BICD1: variants seen among roughly 807,000 people sequenced by gnomAD.
BICD1 encodes protein bicaudal D homolog 1.
In BICD1, 35 loss-of-function variants were observed where a neutral mutation model predicts 92.5. The observed-to-expected ratio is 0.38, with a 90% CI of 0.29 to 0.50. The LOEUF is 0.50. Among genes scored for constraint, BICD1 ranks in the 20% least tolerant of loss-of-function variants. The probability of loss-of-function intolerance (pLI) is 0.93; values close to 1 mark genes in which losing one functional copy is unlikely to be tolerated. For missense variants in BICD1, 950 were observed against 1,189.8 expected (o/e 0.80, Z 2.97); for synonymous variants, 429 against 465.1 (o/e 0.92, Z 1.00).
intron 2 of BICD1, among the ~76,000 whole-genome samples, chr12:32,225,621 G>GTTTTTGTTTTTTTTTTTTTTTTTTTTT (rs1411722126): frequency 3.2e-5 from 3 of 92,776 alleles, no homozygotes; most frequent in Non-Finnish European, 4.3e-5. Flanking sequence ...CTTTTTTTCT[G>GTTTTTGTTTTTTTTTTTTTTTTTTTTT]TTTTTTTTTT....
At chr12:32,276,236 G>A (rs1947273842) in intron 2 of BICD1, among the ~76,000 whole-genome samples, 1 of 152,062 alleles carries the variant, frequency 6.6e-6, no homozygotes, top group Non-Finnish European at 1.5e-5. Context: ...CACCCTTCCG[G>A]AGGAAATCTC....
At chr12:32,116,668 C>G (rs959560278) in intron 1 of BICD1, among the ~76,000 whole-genome samples, 3 of 139,386 alleles carry the variant, frequency 2.2e-5, no homozygotes, top group African/African-American at 7.9e-5. Context: ...CACAGGTGCA[C>G]ACCACTATGC....
intron 8 of BICD1, chr12:32,340,731 CT>C (rs1335034669): frequency 5.2e-6 from 1 of 191,038 alleles, no homozygotes; most frequent in Non-Finnish European, 9.6e-6. Context: ...GCTATCTAGT[CT>C]TGTTTTTATT....
At chr12:32,139,736 G>A (rs574275592) in intron 1 of BICD1, among the ~76,000 whole-genome samples, 1 of 152,158 alleles carries the variant, frequency 6.6e-6, no homozygotes, top group Admixed American at 6.5e-5. Context: ...GCTGATTTTT[G>A]TATTTTTAGT....
chr12:32,107,102 C>A lies in BICD1; in HGVS notation c.-230C>A. 2 of 534,274 alleles carry A rather than the reference C, an allele frequency of 3.7e-6. No individual in the cohort carries two copies. The highest frequency in any genetic ancestry group is 3.2e-5 in the East Asian group (1 of 31,208). 33.1% of individuals were successfully genotyped at this position (534,274 alleles called of 1,614,324 possible). ...ACACATGCGGCGGCCTTTGCCGCCT[C>A]GCCCCTGACCCTCTGCCCTGTTCTC... On this transcript the variant is annotated 5_prime_UTR_variant, in exon 1 of 10. Coordinates refer to ENST00000652176, the MANE Select transcript of BICD1 (RefSeq NM_001714.4).
In BICD1 at chr12:32,337,218, GC is replaced by G. The variant is rs1409636038; in HGVS notation, c.2253-279del. 6.6e-6 allele frequency among the ~76,000 whole-genome samples: 1 copy of G among 152,160 alleles called. No individual in the cohort carries two copies. The highest frequency in any genetic ancestry group is 2.4e-5 in the African/African-American group (1 of 41,436). ...GCCAAGATCACGCCACTGCACTCCA[GC>G]CTGGGCGATACAGCGAGACTCAGTC... On this transcript the variant is annotated intron_variant, in intron 6 of 9. Coordinates refer to ENST00000652176, the MANE Select transcript of BICD1 (RefSeq NM_001714.4). This position sits in a 1 kb window ranked among gnomAD's most constrained non-coding sequence, Gnocchi z 4.7.
At chr12:32,161,171 CT>C (rs1033083539) in intron 1 of BICD1, among the ~76,000 whole-genome samples, 1 of 152,172 alleles carries the variant, frequency 6.6e-6, no homozygotes, top group African/African-American at 2.4e-5. Flanking sequence ...GGTAAAAGAT[CT>C]TAGCCTGAAA....
intron 2 of BICD1, among the ~76,000 whole-genome samples, chr12:32,236,217 A>G (rs11051864): frequency 0.049 from 7,288 of 149,250 alleles, 289 homozygotes; most frequent in East Asian, 0.21. Context: ...ACATAGTGAA[A>G]CCCCATCTCT....
rs191611132 is a variant in BICD1 at position 32,175,079 on chromosome 12, C to G, written c.214-41168C>G. The stretch of plus-strand genomic sequence containing the variant: ...GATTTTTTTCCTCTTTATTTTCTAG[C>G]ATTTATTATTTGCAAGCATTTATTA... On this transcript the variant is annotated intron_variant, in intron 1 of 9. Transcript: ENST00000652176. Among the ~76,000 whole-genome samples, 72 of 152,174 alleles carry G rather than the reference C, an allele frequency of 4.7e-4. No individual in the cohort carries two copies. The East Asian group carries it at 0.011, about 24-fold the overall frequency.
chr12:32,116,886 AT>A (rs201316554), intron 1 of BICD1, among the ~76,000 whole-genome samples: 72 of 148,760 alleles, frequency 4.8e-4, no homozygotes, highest in African/African-American at 1.4e-3. Flanking sequence ...GGCCTTCTAC[AT>A]TTTTTTTTTA....
chr12:32,115,024 G>T lies in BICD1; in HGVS notation c.213+7480G>T, dbSNP rs568980767. Among the ~76,000 whole-genome samples the T allele has an allele frequency of 2.0e-5, 3 of 152,004 alleles. No individual in the cohort carries two copies. In the South Asian group the frequency reaches 6.3e-4, roughly 32 times the overall value. ...GTGGGTTTTTTTCCTCTTTTCTTTT[G>T]GTGGGGGGTGTGGGCGGCGGGGGAG... On this transcript the variant is annotated intron_variant, in intron 1 of 9. Transcript: ENST00000652176.
At position 32,346,579 on chromosome 12, in the gene BICD1, T is replaced by C. The variant is rs1394724298; in HGVS notation, c.2764+7600T>C. The stretch of plus-strand genomic sequence containing the variant: ...ATATATATATATATATATATATATA[T>C]ATACGTGTATATATATATATATATA... On this transcript the variant is annotated intron_variant, in intron 8 of 9. Coordinates refer to ENST00000652176, the MANE Select transcript of BICD1 (RefSeq NM_001714.4). Among the ~76,000 whole-genome samples the C allele has an allele frequency of 5.3e-4, 12 of 22,550 alleles. 2 individuals are homozygous for C. Among genetic ancestry groups the C allele is most frequent in the African/African-American group, 2.7e-3 (9 of 3,358 alleles). 14.8% of individuals were successfully genotyped at this position (22,550 alleles called of 152,430 possible). A position where few individuals can be genotyped will look rare whatever the true frequency, so the allele number is the denominator to read the frequency against.
intron 1 of BICD1, among the ~76,000 whole-genome samples, chr12:32,151,038 C>A (rs1943272281): frequency 6.6e-6 from 1 of 152,094 alleles, no homozygotes; most frequent in Non-Finnish European, 1.5e-5. Flanking sequence ...TGGCTTATAT[C>A]TTCTGTGTAG....
intron 8 of BICD1, among the ~76,000 whole-genome samples, chr12:32,343,307 A>G (rs545129158): frequency 8.6e-5 from 13 of 151,980 alleles, no homozygotes; most frequent in African/African-American, 2.4e-5. Context: ...ACCTAGGCCT[A>G]TATCCTTCTC....
At chr12:32,153,114 T>C (rs1943337600) in intron 1 of BICD1, among the ~76,000 whole-genome samples, 1 of 152,226 alleles carries the variant, frequency 6.6e-6, no homozygotes, top group Admixed American at 6.5e-5. Context: ...TTGCCATCTT[T>C]ATGTCCATAA....
intron 9 of BICD1, among the ~76,000 whole-genome samples, chr12:32,376,882 G>A (rs996920422): frequency 1.4e-5 from 2 of 143,666 alleles, no homozygotes; most frequent in African/African-American, 2.5e-5. Context: ...AAAAAGGGGG[G>A]GGGGGGTGAA....
At chr12:32,214,524 C>T (rs958888989) in intron 1 of BICD1, among the ~76,000 whole-genome samples, 1 of 152,156 alleles carries the variant, frequency 6.6e-6, no homozygotes, top group Non-Finnish European at 1.5e-5. Flanking sequence ...TTAGATATCT[C>T]TTTCCTTACT....
chr12:32,364,138 A>G (rs1939439632), intron 8 of BICD1, among the ~76,000 whole-genome samples: 1 of 152,156 alleles, frequency 6.6e-6, no homozygotes, highest in Admixed American at 6.6e-5. Context: ...CTGCTGCCTA[A>G]CACAGTTTCT....
intron 2 of BICD1, among the ~76,000 whole-genome samples, chr12:32,243,393 C>T (rs1191389451): frequency 6.6e-6 from 1 of 150,776 alleles, no homozygotes; most frequent in East Asian, 1.9e-4. Flanking sequence ...GGATTACAGG[C>T]ATGAGCAACT....
Sources: allele counts gnomAD v4.1 joint callset (sites outside exome capture counted in the v4.1 genomes callset), GRCh38; gene constraint gnomAD v4.1.1; non-coding constraint Gnocchi (gnomAD v3.1); transcripts MANE v1.5; gene names NCBI Gene and HGNC (gene_info 2026-07-23, HGNC 2026-07-21).